Variants in CD96 observed in about 807,000 individuals in gnomAD.
The protein encoded by CD96 is T-cell surface protein tactile.
CD96 carries 70 observed loss-of-function variants against 71.3 expected under a neutral mutation model. The observed-to-expected ratio is 0.98, with a 90% CI of 0.81 to 1.20. CD96 has a LOEUF of 1.20. Ranked by LOEUF, CD96 falls within the 50% of genes most tolerant of loss-of-function variation. CD96 has a pLI of 0.00. For missense variants in CD96, 742 were observed against 677.5 expected (o/e 1.10, Z -1.06); for synonymous variants, 248 against 233.0 (o/e 1.06, Z -0.59).
intron 8 of CD96, among the ~76,000 whole-genome samples, chr3:111,621,970 T>C (rs2107706830): frequency 6.6e-6 from 1 of 152,316 alleles, no homozygotes; most frequent in South Asian, 2.1e-4. Flanking sequence ...CTTTGATGAA[T>C]GGTGGGAGGC....
chr3:111,581,941 A>G (rs1936485494), intron 4 of CD96, among the ~76,000 whole-genome samples: 1 of 152,314 alleles, frequency 6.6e-6, no homozygotes, highest in African/African-American at 2.4e-5. Context: ...GGGAAGGAAG[A>G]TAAGAAAATG....
chr3:111,562,904 G>A (rs1935525799), intron 2 of CD96, among the ~76,000 whole-genome samples: 1 of 152,168 alleles, frequency 6.6e-6, no homozygotes, highest in South Asian at 2.1e-4. Context: ...TTTGTTTTGT[G>A]CTGCTCTAAC....
intron 5 of CD96, chr3:111,593,543 A>G: frequency 1.3e-6 from 2 of 1,512,882 alleles, no homozygotes; most frequent in Non-Finnish European, 1.8e-6. Context: ...TCCAAGCCCA[A>G]TTTAAACAAA....
rs186394892 is a variant in CD96 at position 111,618,912 on chromosome 3, C to A, written c.1181-4842C>A. 1.1e-4 allele frequency among the ~76,000 whole-genome samples: 17 copies of A among 152,244 alleles called. 1 individual carries two copies. The highest frequency in any genetic ancestry group is 3.9e-4 in the African/African-American group (16 of 41,522). On this transcript the variant is annotated intron_variant, in intron 8 of 13. Transcript: ENST00000352690. ...TTACCAGCTTATTCTTTATGCTCCA[C>A]TTATGCTACTTTGCAACTGCTCACT...
Position 111,561,035 on chromosome 3 carries a change from C to T in CD96, c.419-6488C>T, listed in dbSNP as rs1576318397. On this transcript the variant is annotated intron_variant, in intron 2 of 13. Transcript: ENST00000352690. ...AGGCTTCTGCATTCTTCACATAGTT[C>T]TCGAGCCTTGGTTTTCAGCTCCATC... Among the ~76,000 whole-genome samples the T allele has an allele frequency of 1.3e-4, 18 of 137,348 alleles. No homozygotes were observed. The South Asian group carries it at 3.9e-3, about 30-fold the overall frequency. 90.1% of individuals were successfully genotyped at this position (137,348 alleles called of 152,430 possible). A position where few individuals can be genotyped will look rare whatever the true frequency, so the allele number is the denominator to read the frequency against.
In CD96 at chr3:111,598,039, C is replaced by CTTACG. The variant is rs1553705384; in HGVS notation, c.808-78_808-77insCGTTA. The CTTACG allele has an allele frequency of 1.3e-5, 10 of 758,094 alleles. No homozygotes were observed. In the African/African-American group the frequency reaches 1.4e-4, roughly 11 times the overall value. The allele number at this position is 758,094 out of a possible 1,614,324, so 47.0% of individuals were successfully genotyped here. The stretch of plus-strand genomic sequence containing the variant: ...AAATGGAGAAACTCTTTTTTGCCAA[C>CTTACG]TTATATGAATGTTAGTAAGTTGTAA... On this transcript the variant is annotated intron_variant, in intron 5 of 13. Transcript: ENST00000352690.
At chr3:111,585,767 A>G (rs1031261351) in intron 5 of CD96, among the ~76,000 whole-genome samples, 2 of 152,114 alleles carry the variant, frequency 1.3e-5, no homozygotes, top group African/African-American at 4.8e-5. Flanking sequence ...CATTTCCTTT[A>G]CCCACTTTCC....
At chr3:111,544,993 G>A in intron 1 of CD96, 53 bp from the exon 2 acceptor site, 1 of 1,466,512 alleles carries the variant, frequency 6.8e-7, no homozygotes, top group South Asian at 1.1e-5. Context: ...TTTTAATTAA[G>A]CGTCATTCTA....
At chr3:111,555,918 C>G (rs1275098089) in intron 2 of CD96, among the ~76,000 whole-genome samples, 5 of 152,286 alleles carry the variant, frequency 3.3e-5, no homozygotes, top group Non-Finnish European at 7.3e-5. Flanking sequence ...ATACTTGATA[C>G]TGTCCTATAT....
In CD96 at chr3:111,545,376, T is replaced by A; in HGVS notation, c.392T>A (p.Ile131Asn). ...VLYPEGIQTK[I>N]YNLLIQTHVT... is the part of the protein sequence containing the mutation. ...TATCCAGAGGGCATTCAGACTAAAA[T>A]CTACAACCTTCTCATTCAGACACAC... The change falls in exon 2 of 14, where the codon ATC (isoleucine) becomes AAC (asparagine). Residue 131 changes from isoleucine (I) to asparagine (N), a missense_variant. Physicochemically the swap from Ile to Asn is moderately radical, Grantham distance 149. Coordinates refer to ENST00000352690, the MANE Select transcript of CD96 (RefSeq NM_005816.5). 1 of 1,607,022 alleles carries A rather than the reference T, an allele frequency of 6.2e-7. No individual in the cohort carries two copies. The highest frequency in any genetic ancestry group is 8.5e-7 in the Non-Finnish European group (1 of 1,173,546).
chr3:111,639,207 T>A (rs1939478365), intron 12 of CD96, among the ~76,000 whole-genome samples: 1 of 152,130 alleles, frequency 6.6e-6, no homozygotes, highest in Non-Finnish European at 1.5e-5. Flanking sequence ...CCAAATACTC[T>A]GGGAGGTGGA....
chr3:111,646,672 T>TA lies in CD96; in HGVS notation c.1478-861dup, dbSNP rs547207933. Among the ~76,000 whole-genome samples, 22 of 149,908 alleles carry TA rather than the reference T, an allele frequency of 1.5e-4. No individual in the cohort carries two copies. The East Asian group carries it at 1.6e-3, about 11-fold the overall frequency. On this transcript the variant is annotated intron_variant, in intron 12 of 13. Transcript: ENST00000352690. ...CAGTTTGGCTATTGCTCAAAGAACT[T>TA]AAAAAAAAAATTACTATTTGATCCA...
At chr3:111,663,907 C>T (rs997043366) in intron 14 of CD96, among the ~76,000 whole-genome samples, 25 of 152,134 alleles carry the variant, frequency 1.6e-4, no homozygotes, top group African/African-American at 2.9e-4. Flanking sequence ...TGCCACCACA[C>T]GCCCAGAAAT....
intron 2 of CD96, among the ~76,000 whole-genome samples, chr3:111,562,687 G>T (rs956093148): frequency 6.6e-6 from 1 of 152,230 alleles, no homozygotes; most frequent in African/African-American, 2.4e-5. Flanking sequence ...GCATAGATTT[G>T]TGTGTCAATC....
chr3:111,588,740 T>G (rs1000241984), intron 5 of CD96, among the ~76,000 whole-genome samples: 1 of 152,130 alleles, frequency 6.6e-6, no homozygotes, highest in Non-Finnish European at 1.5e-5. Context: ...TTCAGTTACC[T>G]CTCACTGGGA....
At chr3:111,552,367 T>C (rs1274411661) in intron 2 of CD96, among the ~76,000 whole-genome samples, 2 of 152,144 alleles carry the variant, frequency 1.3e-5, no homozygotes, top group African/African-American at 4.8e-5. Flanking sequence ...AAGTGCCATC[T>C]TGAAAGAGGA....
intron 5 of CD96, among the ~76,000 whole-genome samples, chr3:111,588,538 A>G (rs918179469): frequency 6.6e-6 from 1 of 152,098 alleles, no homozygotes; most frequent in Admixed American, 6.6e-5. Context: ...TTGCATCCAC[A>G]TTTTTGGTTA....
chr3:111,596,103 A>G (rs1337156147), intron 5 of CD96, among the ~76,000 whole-genome samples: 1 of 152,104 alleles, frequency 6.6e-6, no homozygotes, highest in Non-Finnish European at 1.5e-5. Flanking sequence ...TGGAGGTTGC[A>G]GTAAGCCAAG....
chr3:111,565,988 T>C (rs1935689609), intron 2 of CD96, among the ~76,000 whole-genome samples: 1 of 150,154 alleles, frequency 6.7e-6, no homozygotes, highest in Non-Finnish European at 1.5e-5. Context: ...AAATATGCCA[T>C]TAAAATGTAT....
Sources: gnomAD v4.1 joint callset for allele counts (sites outside exome capture counted in the v4.1 genomes callset) on GRCh38, gnomAD v4.1.1 for gene constraint, MANE v1.5 for transcripts, NCBI Gene and HGNC (gene_info 2026-07-23, HGNC 2026-07-21) for gene names.